The following BTBD10 variants were observed in gnomAD, a reference collection of about 807,000 sequenced individuals.
The protein encoded by BTBD10 is BTB/POZ domain-containing protein 10.
A neutral mutation model predicts 53.2 loss-of-function variants in BTBD10; 21 were observed. The observed-to-expected ratio is 0.39, with a 90% CI of 0.28 to 0.57. The LOEUF (loss-of-function observed/expected upper bound fraction) is 0.57, where lower values mean the gene tolerates loss of function less well. Among genes scored for constraint, BTBD10 ranks in the 20% least tolerant of loss-of-function variants. The pLI is 0.53. For missense variants in BTBD10, 360 were observed against 594.7 expected, an observed-to-expected ratio of 0.61 and a Z score of 4.10; for synonymous variants, 149 against 192.7, an observed-to-expected ratio of 0.77 and a Z score of 1.88.
chr11:13,448,730 T>G (rs182579967), intron 1 of BTBD10, among the ~76,000 whole-genome samples: 1 of 152,260 alleles, frequency 6.6e-6, no homozygotes, highest in Admixed American at 6.5e-5. Flanking sequence ...TTTGCTGTAA[T>G]CAGAACGGCC....
chr11:13,431,447 T>C (rs1950446412), intron 2 of BTBD10, among the ~76,000 whole-genome samples: 1 of 152,198 alleles, frequency 6.6e-6, no homozygotes, highest in African/African-American at 2.4e-5. Flanking sequence ...CAAGCACCTC[T>C]AGTTACATAA....
intron 1 of BTBD10, among the ~76,000 whole-genome samples, chr11:13,446,560 T>C (rs1950752671): frequency 6.6e-6 from 1 of 151,964 alleles, no homozygotes; most frequent in Non-Finnish European, 1.5e-5. Context: ...GAAATAAAAA[T>C]AAAAGTGGGG....
At chr11:13,440,375 G>A in intron 2 of BTBD10, 4 of 895,886 alleles carry the variant, frequency 4.5e-6, no homozygotes, top group Non-Finnish European at 5.4e-6. Flanking sequence ...AGGGCTTAGA[G>A]ATATGTAGAT....
chr11:13,428,519 C>T (rs1435062222), intron 2 of BTBD10, among the ~76,000 whole-genome samples: 1 of 151,718 alleles, frequency 6.6e-6, no homozygotes, highest in African/African-American at 2.4e-5. Context: ...CTAAACAACT[C>T]ACAGAGCAAT....
chr11:13,432,582 CAAA>C (rs1950469161), intron 2 of BTBD10, among the ~76,000 whole-genome samples: 1 of 150,978 alleles, frequency 6.6e-6, no homozygotes, highest in Admixed American at 6.6e-5. Flanking sequence ...AATTATATAA[CAAA>C]AGGAGCAATA....
chr11:13,406,106 T>A (rs775712748), intron 6 of BTBD10, among the ~76,000 whole-genome samples: 1 of 152,170 alleles, frequency 6.6e-6, no homozygotes, highest in Non-Finnish European at 1.5e-5. Flanking sequence ...TGTCTTAAGG[T>A]ATATCTTAAA....
At chr11:13,425,783 C>T (rs1002420069) in intron 2 of BTBD10, among the ~76,000 whole-genome samples, 19 of 152,104 alleles carry the variant, frequency 1.2e-4, no homozygotes, top group Non-Finnish European at 2.4e-4. Context: ...ATATACTAAT[C>T]ACCCTGAGTT....
At chr11:13,450,690 C>A (rs937990387) in intron 1 of BTBD10, among the ~76,000 whole-genome samples, 5 of 152,066 alleles carry the variant, frequency 3.3e-5, no homozygotes, top group Admixed American at 6.6e-5. Context: ...TGCAAACTAT[C>A]ACAGATAATA....
chr11:13,430,185 A>T (rs983708076), intron 2 of BTBD10, among the ~76,000 whole-genome samples: 1 of 152,212 alleles, frequency 6.6e-6, no homozygotes, highest in African/African-American at 2.4e-5. Flanking sequence ...CATGTATCTG[A>T]TAGAGGACTG....
intron 6 of BTBD10, among the ~76,000 whole-genome samples, chr11:13,408,455 CTT>C (rs1949873369): frequency 6.6e-6 from 1 of 152,150 alleles, no homozygotes; most frequent in African/African-American, 2.4e-5. Context: ...CTTTAATACA[CTT>C]TGTTTAAATA....
intron 1 of BTBD10, among the ~76,000 whole-genome samples, chr11:13,459,198 A>C (rs1484641357): frequency 6.7e-5 from 10 of 149,936 alleles, no homozygotes; most frequent in Non-Finnish European, 1.2e-4. Context: ...CTGGGACTAC[A>C]GGCGCCCGCC....
chr11:13,413,840 T>C (rs1371202545), intron 5 of BTBD10, among the ~76,000 whole-genome samples, 190 bp from the exon 6 acceptor site: 1 of 152,128 alleles, frequency 6.6e-6, no homozygotes, highest in African/African-American at 2.4e-5. Flanking sequence ...ATAAGGAAAA[T>C]TCAGGTCCAA....
chr11:13,411,569 T>C (rs1949945304), intron 6 of BTBD10, among the ~76,000 whole-genome samples: 3 of 152,162 alleles, frequency 2.0e-5, no homozygotes, highest in South Asian at 4.1e-4. Context: ...AGGATAATCA[T>C]GTTACACATA....
intron 3 of BTBD10, among the ~76,000 whole-genome samples, chr11:13,421,275 C>T (rs1005762899): frequency 3.3e-5 from 5 of 152,212 alleles, no homozygotes; most frequent in African/African-American, 1.2e-4. Flanking sequence ...TTCTACCTTT[C>T]AGGTCCTTTG....
chr11:13,457,962 T>C (rs931493011), intron 1 of BTBD10, among the ~76,000 whole-genome samples: 2 of 152,118 alleles, frequency 1.3e-5, no homozygotes, highest in African/African-American at 2.4e-5. Flanking sequence ...AATCTATTTT[T>C]ATAGGAAATT....
At chr11:13,454,570 G>A (rs1452902650) in intron 1 of BTBD10, among the ~76,000 whole-genome samples, 2 of 152,078 alleles carry the variant, frequency 1.3e-5, no homozygotes, top group African/African-American at 4.8e-5. Context: ...AAATTAAAGT[G>A]GCCAGGTATG....
intron 8 of BTBD10, among the ~76,000 whole-genome samples, chr11:13,401,208 A>T (rs971504104): frequency 6.6e-6 from 1 of 151,722 alleles, no homozygotes; most frequent in African/African-American, 2.4e-5. Context: ...GTTAATAGTA[A>T]CTAGTACTTG....
intron 8 of BTBD10, among the ~76,000 whole-genome samples, chr11:13,398,546 A>C (rs1049882899): frequency 6.6e-6 from 1 of 152,134 alleles, no homozygotes; most frequent in African/African-American, 2.4e-5. Flanking sequence ...ATTTACATTT[A>C]ATGTTAATAT....
intron 6 of BTBD10, among the ~76,000 whole-genome samples, chr11:13,407,356 C>T (rs1051752646): frequency 1.3e-5 from 2 of 152,176 alleles, no homozygotes; most frequent in African/African-American, 2.4e-5. Context: ...CTGGAAATTT[C>T]CACTTGGATG....
Sources: allele counts gnomAD v4.1 joint callset (sites outside exome capture counted in the v4.1 genomes callset), GRCh38; gene constraint gnomAD v4.1.1; transcripts MANE v1.5; gene names NCBI Gene and HGNC (gene_info 2026-07-23, HGNC 2026-07-21).